The following MYT1L variants were observed in gnomAD, a reference collection of about 807,000 sequenced individuals.
The protein encoded by MYT1L is myelin transcription factor 1-like protein.
MYT1L carries 12 observed loss-of-function variants against 126.7 expected under a neutral mutation model. The ratio of observed to expected loss-of-function variants is 0.09; its 90% CI spans 0.06 to 0.15. The LOEUF (loss-of-function observed/expected upper bound fraction) is 0.15. MYT1L is among the 10% of genes least tolerant of loss of function. The pLI is 1.00. For synonymous variants in MYT1L, 541 were observed against 604.2 expected, an observed-to-expected ratio of 0.90 and a Z score of 1.53; for missense variants, 979 against 1,585.2, an observed-to-expected ratio of 0.62 and a Z score of 6.49.
At chr2:2,310,537 A>G (rs897238844) in intron 1 of MYT1L, among the ~76,000 whole-genome samples, 1 of 152,214 alleles carries the variant, frequency 6.6e-6, no homozygotes, top group African/African-American at 2.4e-5. Flanking sequence ...CATTCCCTAG[A>G]GAAGCCATGT....
rs1559420307 is a variant in MYT1L, at chr2:2,236,780, TC to T, written c.-421+47623del. 1.5e-4 allele frequency among the ~76,000 whole-genome samples: 7 copies of T among 46,930 alleles called. 1 individual carries two copies. The highest frequency in any genetic ancestry group is 3.9e-4 in the African/African-American group (3 of 7,780). 30.8% of individuals were successfully genotyped at this position (46,930 alleles called of 152,430 possible). On this transcript the variant is annotated intron_variant, in intron 2 of 24. Coordinates refer to ENST00000647738, the MANE Select transcript of MYT1L (RefSeq NM_001303052.2). ...CCTTTCTTCTTCTTCTTCTTCTTCTTCTTCTTCTTCTTCTTCTTCTTCTTCT... is the reference window on the plus strand; with the variant it reads ...CCTTTCTTCTTCTTCTTCTTCTTCTTTTCTTCTTCTTCTTCTTCTTCTTCT...
chr2:2,322,684 C>CA (rs1026496081), intron 1 of MYT1L, among the ~76,000 whole-genome samples: 7 of 151,790 alleles, frequency 4.6e-5, no homozygotes, highest in African/African-American at 1.7e-4. Flanking sequence ...GGGATCTCTG[C>CA]ATAGAAATGC....
chr2:1,878,991 CAAGAG>C (rs201911223), intron 18 of MYT1L, among the ~76,000 whole-genome samples: 11 of 152,146 alleles, frequency 7.2e-5, no homozygotes, highest in Admixed American at 1.3e-4. Flanking sequence ...AAAAACAATA[CAAGAG>C]AAGAGAAGAG....
chr2:2,293,048 C>T (rs564354305), intron 1 of MYT1L, among the ~76,000 whole-genome samples: 2 of 152,276 alleles, frequency 1.3e-5, no homozygotes, highest in Non-Finnish European at 2.9e-5. Flanking sequence ...GAGACAGGAT[C>T]AAGAAGATAG....
intron 2 of MYT1L, among the ~76,000 whole-genome samples, chr2:2,266,901 C>A (rs190965115): frequency 2.6e-5 from 4 of 152,336 alleles, no homozygotes; most frequent in Admixed American, 2.0e-4. Flanking sequence ...AGGCCTCCCA[C>A]GTGGAACTGT....
At chr2:1,826,129 C>T (rs532872433) in intron 21 of MYT1L, 2 of 152,448 alleles carry the variant, frequency 1.3e-5, no homozygotes, top group African/African-American at 4.8e-5. Context: ...AGGGGGGACG[C>T]CACCTGCAGA....
intron 3 of MYT1L, among the ~76,000 whole-genome samples, chr2:2,128,388 G>C (rs183516045): frequency 6.6e-6 from 1 of 152,288 alleles, no homozygotes; most frequent in Non-Finnish European, 1.5e-5. Flanking sequence ...CTGACCTCAA[G>C]TGATCCACCT....
At chr2:1,944,306 T>G (rs2056989833) in intron 8 of MYT1L, among the ~76,000 whole-genome samples, 1 of 152,208 alleles carries the variant, frequency 6.6e-6, no homozygotes, top group South Asian at 2.1e-4. Flanking sequence ...TGAGAAAGAA[T>G]GATTTTCAAA....
chr2:2,278,585 G>C (rs2095401653), intron 2 of MYT1L, among the ~76,000 whole-genome samples: 1 of 151,914 alleles, frequency 6.6e-6, no homozygotes, highest in Non-Finnish European at 1.5e-5. Context: ...ATATAATTTT[G>C]CCTACAAAAG....
intron 2 of MYT1L, among the ~76,000 whole-genome samples, chr2:2,280,517 A>C (rs1468752288): frequency 6.6e-6 from 1 of 152,122 alleles, no homozygotes; most frequent in East Asian, 1.9e-4. Flanking sequence ...AACCGAACTA[A>C]ACTTCTTCTA....
chr2:1,850,747 C>G (rs559699545), intron 19 of MYT1L, among the ~76,000 whole-genome samples: 1 of 152,228 alleles, frequency 6.6e-6, no homozygotes, highest in East Asian at 1.9e-4. Context: ...GGCCGGCCAT[C>G]AGCAATGACA....
chr2:2,319,547 A>C (rs2096124741), intron 1 of MYT1L, among the ~76,000 whole-genome samples: 1 of 152,142 alleles, frequency 6.6e-6, no homozygotes, highest in South Asian at 2.1e-4. Context: ...GTGCCGTTGA[A>C]TAGAGAATAT....
At chr2:2,261,166 TG>T (rs34003514) in intron 2 of MYT1L, among the ~76,000 whole-genome samples, 2 of 152,032 alleles carry the variant, frequency 1.3e-5, no homozygotes, top group Non-Finnish European at 2.9e-5. Flanking sequence ...TGTGTGTGTG[TG>T]TATGTGTTTC....
rs1198698362 is a variant in MYT1L, at chr2:1,791,168, A to G, written c.*699T>C. ...TTCCATGGCTTGATGTTGTCTTACA[A>G]TAAATTACTTATTTCATTTCTTACA... On this transcript the variant is annotated 3_prime_UTR_variant, in exon 25 of 25. Transcript: ENST00000647738. This position sits in a 1 kb window ranked among gnomAD's most constrained non-coding sequence, Gnocchi z 6.0. 2.2e-6 allele frequency: 1 copy of G among 462,592 alleles called. No individual in the cohort carries two copies. The highest frequency in any genetic ancestry group is 4.4e-6 in the Non-Finnish European group (1 of 225,112). 28.7% of individuals were successfully genotyped at this position (462,592 alleles called of 1,614,324 possible).
chr2:2,068,044 A>T (rs2074092825), intron 3 of MYT1L, among the ~76,000 whole-genome samples: 1 of 152,152 alleles, frequency 6.6e-6, no homozygotes, highest in Admixed American at 6.5e-5. Flanking sequence ...AAGTGACAAC[A>T]TCCTAGATGT....
intron 3 of MYT1L, among the ~76,000 whole-genome samples, chr2:2,097,964 G>A (rs549907289): frequency 6.6e-6 from 1 of 152,258 alleles, no homozygotes; most frequent in African/African-American, 2.4e-5. Context: ...TTGTGTAAAA[G>A]TGTGGCACCT....
chr2:1,932,114 A>T (rs2055084431), intron 9 of MYT1L, among the ~76,000 whole-genome samples: 1 of 152,176 alleles, frequency 6.6e-6, no homozygotes, highest in Non-Finnish European at 1.5e-5. Flanking sequence ...AGCCTTAGAG[A>T]GGCACTGGCT....
rs536787280 is a variant in MYT1L, at chr2:1,912,727, C to T, written c.1619-617G>A. Among the ~76,000 whole-genome samples, 4 of 151,944 alleles carry T rather than the reference C, an allele frequency of 2.6e-5. No homozygotes were observed. In the East Asian group the frequency reaches 7.7e-4, roughly 29 times the overall value. On this transcript the variant is annotated intron_variant, in intron 11 of 24. Transcript: ENST00000647738. The surrounding 1 kb of genome is among the most constrained non-coding windows in gnomAD (Gnocchi z 4.3). ...GATGAGCTAGAAGAGTAAGCGTCTG[C>T]GTTTTTACCCTGTGAAATTAACAAG...
intron 21 of MYT1L, among the ~76,000 whole-genome samples, chr2:1,833,679 C>T (rs965720403): frequency 3.3e-5 from 5 of 152,184 alleles, no homozygotes; most frequent in Admixed American, 6.5e-5. Context: ...CATGGCACCA[C>T]GTATGTGTGT....
Sources: gnomAD v4.1 joint callset for allele counts (sites outside exome capture counted in the v4.1 genomes callset) on GRCh38, gnomAD v4.1.1 for gene constraint, Gnocchi (gnomAD v3.1) non-coding constraint, MANE v1.5 for transcripts, NCBI Gene and HGNC (gene_info 2026-07-23, HGNC 2026-07-21) for gene names.